AFF3: variants seen among roughly 807,000 people sequenced by gnomAD.
AFF3 encodes the protein ALF transcription elongation factor 3, also known as AF4/FMR2 family member 3.
Under a neutral mutation model 129.7 loss-of-function variants are expected in AFF3, and 32 were observed. The ratio of observed to expected loss-of-function variants is 0.25; its 90% confidence interval spans 0.19 to 0.33. The LOEUF (loss-of-function observed/expected upper bound fraction) is 0.33. Among genes scored for constraint, AFF3 ranks in the 10% least tolerant of loss-of-function variants. AFF3 has a pLI of 1.00. For missense variants in AFF3, 1,373 were observed against 1,592.0 expected, an observed-to-expected ratio of 0.86 and a Z score of 2.34; for synonymous variants, 644 against 635.4, an observed-to-expected ratio of 1.01 and a Z score of -0.20.
intron 7 of AFF3, among the ~76,000 whole-genome samples, chr2:99,981,836 G>T (rs1403702879): frequency 6.6e-6 from 1 of 152,184 alleles, no homozygotes; most frequent in African/African-American, 2.4e-5. Context: ...TAGGAACTTA[G>T]TATTTCTCAC....
chr2:100,039,674 A>G lies in AFF3; in HGVS notation c.54-30742T>C, dbSNP rs187128114. 1.3e-3 allele frequency among the ~76,000 whole-genome samples: 199 copies of G among 152,144 alleles called. 1 individual carries two copies. Among genetic ancestry groups the G allele is most frequent in the Admixed American group, 0.012 (191 of 15,292 alleles). On this transcript the variant is annotated intron_variant, in intron 4 of 24. Transcript: ENST00000672756. ...TTCTTGATGTCCGGGCTGGCTCCCT[A>G]ATGGGTCATGTTCCTTTACATCCAT...
chr2:99,958,657 G>A (rs1015162556), intron 7 of AFF3, among the ~76,000 whole-genome samples: 1 of 152,098 alleles, frequency 6.6e-6, no homozygotes, highest in East Asian at 1.9e-4. Flanking sequence ...CAGGGGAAGG[G>A]GAGGTTGAAA....
intron 8 of AFF3, among the ~76,000 whole-genome samples, chr2:99,813,663 G>A (rs1686972851): frequency 6.6e-6 from 1 of 152,176 alleles, no homozygotes; most frequent in Admixed American, 6.5e-5. Flanking sequence ...GATTAAAGGA[G>A]AACAAACACA....
intron 1 of AFF3, among the ~76,000 whole-genome samples, chr2:100,137,523 G>T (rs143666386): frequency 1.4e-5 from 2 of 143,866 alleles, no homozygotes; most frequent in Non-Finnish European, 3.0e-5. Context: ...ATGTGTGCAC[G>T]TGCACACGTG....
At chr2:99,764,411 T>G (rs1189268788) in intron 8 of AFF3, among the ~76,000 whole-genome samples, 2 of 152,192 alleles carry the variant, frequency 1.3e-5, no homozygotes, top group African/African-American at 4.8e-5. Context: ...TTCTGGAGAA[T>G]TCTTGTTCTC....
intron 7 of AFF3, among the ~76,000 whole-genome samples, chr2:99,988,038 C>T (rs1680018454): frequency 6.6e-6 from 1 of 151,608 alleles, no homozygotes; most frequent in Admixed American, 6.6e-5. Context: ...GCACGCAGAA[C>T]AATAAAAGAG....
chr2:99,926,231 C>A (rs1260157544), intron 7 of AFF3, among the ~76,000 whole-genome samples: 1 of 152,214 alleles, frequency 6.6e-6, no homozygotes, highest in Non-Finnish European at 1.5e-5. Flanking sequence ...AGTGAGACTG[C>A]AAGTGCAAAG....
chr2:100,024,018 G>A (rs1282206073), intron 4 of AFF3, among the ~76,000 whole-genome samples: 1 of 144,018 alleles, frequency 6.9e-6, no homozygotes, highest in Non-Finnish European at 1.5e-5. Context: ...GGATCACGAG[G>A]TCAGGAGATT....
intron 7 of AFF3, among the ~76,000 whole-genome samples, chr2:99,955,076 A>G (rs1676516166): frequency 6.6e-6 from 1 of 152,144 alleles, no homozygotes; most frequent in Non-Finnish European, 1.5e-5. Flanking sequence ...ACTTCCACAT[A>G]ACACAAATCC....
intron 7 of AFF3, among the ~76,000 whole-genome samples, chr2:99,924,506 C>T (rs1014628517): frequency 2.6e-5 from 4 of 152,148 alleles, no homozygotes; most frequent in African/African-American, 9.7e-5. Flanking sequence ...GAATTCTTTC[C>T]ATGGTGCTTA....
At chr2:99,607,425 G>A (rs1356636504) in intron 13 of AFF3, among the ~76,000 whole-genome samples, 1 of 151,830 alleles carries the variant, frequency 6.6e-6, no homozygotes, top group Non-Finnish European at 1.5e-5. Context: ...CCAGCAACTC[G>A]GGAGGCTGAG....
chr2:100,054,456 G>T (rs879791795), intron 4 of AFF3, among the ~76,000 whole-genome samples: 3 of 152,128 alleles, frequency 2.0e-5, no homozygotes, highest in Non-Finnish European at 4.4e-5. Flanking sequence ...GATATAAGGG[G>T]GAATCTCTTT....
rs117395430 is a variant in AFF3 at position 99,919,226 on chromosome 2, G to A, written c.874-81702C>T. Among the ~76,000 whole-genome samples, 284 of 152,214 alleles carry A rather than the reference G, an allele frequency of 1.9e-3. 5 individuals carry two copies. In the East Asian group the frequency reaches 0.048, roughly 26 times the overall value. On this transcript the variant is annotated intron_variant, in intron 7 of 24. Transcript: ENST00000672756. ...GATCCATGAGCATAAAACTATTAAT[G>A]TTTATCTCTTAAGTGTAATTACCAT...
At chr2:99,944,046 T>C (rs1039438247) in intron 7 of AFF3, among the ~76,000 whole-genome samples, 7 of 152,040 alleles carry the variant, frequency 4.6e-5, no homozygotes, top group Admixed American at 4.6e-4. Context: ...ACTATAGGCA[T>C]GCACCACCAT....
intron 13 of AFF3, among the ~76,000 whole-genome samples, chr2:99,642,679 C>T (rs1478481564): frequency 2.0e-5 from 3 of 152,168 alleles, no homozygotes; most frequent in African/African-American, 4.8e-5. Context: ...GTGGCCCAAA[C>T]CTCCTATCTC....
At chr2:99,658,319 G>A (rs1255107594) in intron 12 of AFF3, among the ~76,000 whole-genome samples, 1 of 152,126 alleles carries the variant, frequency 6.6e-6, no homozygotes, top group Admixed American at 6.6e-5. Context: ...CACATGCCTG[G>A]TGTGGGGGTG....
At chr2:99,735,682 G>A (rs1317478779) in intron 10 of AFF3, among the ~76,000 whole-genome samples, 3 of 152,038 alleles carry the variant, frequency 2.0e-5, no homozygotes, top group Non-Finnish European at 4.4e-5. Flanking sequence ...TAGTAGAGAT[G>A]GGGTTTCACC....
At position 99,829,186 on chromosome 2, in the gene AFF3, T is replaced by G. The variant is rs140304451; in HGVS notation, c.921+8291A>C. On this transcript the variant is annotated intron_variant, in intron 8 of 24. Transcript: ENST00000672756. Reference sequence around the variant, plus strand: ...GAGCTATGCATACATTAAGAAAGATTAATAAAACCAGAAAAATACCATTCA... The same window carrying G: ...GAGCTATGCATACATTAAGAAAGATGAATAAAACCAGAAAAATACCATTCA... 2.3e-3 allele frequency among the ~76,000 whole-genome samples: 355 copies of G among 152,138 alleles called. 2 individuals are homozygous for G. Among genetic ancestry groups the G allele is most frequent in the Admixed American group, 4.0e-3 (61 of 15,274 alleles).
At chr2:100,083,643 C>T (rs1689196498) in intron 4 of AFF3, among the ~76,000 whole-genome samples, 4 of 152,188 alleles carry the variant, frequency 2.6e-5, no homozygotes, top group African/African-American at 7.2e-5. Flanking sequence ...TCCACCCTCA[C>T]GGAAGCGGGG....
Sources: allele counts gnomAD v4.1 joint callset (sites outside exome capture counted in the v4.1 genomes callset), GRCh38; gene constraint gnomAD v4.1.1; transcripts MANE v1.5; gene names NCBI Gene and HGNC (gene_info 2026-07-23, HGNC 2026-07-21).